Variants in CTIF observed in about 807,000 individuals in gnomAD.
CTIF encodes CBP80/20-dependent translation initiation factor.
A neutral mutation model predicts 66.0 loss-of-function variants in CTIF; 21 were observed. The observed-to-expected ratio is 0.32, with a 90% CI of 0.23 to 0.46. The LOEUF (loss-of-function observed/expected upper bound fraction) is 0.46, where lower values mean the gene tolerates loss of function less well. CTIF is among the 20% of genes least tolerant of loss of function. The pLI is 1.00. For synonymous variants in CTIF, 345 were observed against 326.4 expected, an observed-to-expected ratio of 1.06 and a Z score of -0.62; for missense variants, 739 against 812.7, an observed-to-expected ratio of 0.91 and a Z score of 1.10.
intron 5 of CTIF, among the ~76,000 whole-genome samples, chr18:48,667,668 G>A (rs2091459555): frequency 6.6e-6 from 1 of 152,226 alleles, no homozygotes; most frequent in African/African-American, 2.4e-5. Flanking sequence ...CCCTTCTGAA[G>A]CCAGAGTAAC....
chr18:48,595,486 G>A (rs1599209944), intron 1 of CTIF, among the ~76,000 whole-genome samples: 1 of 152,118 alleles, frequency 6.6e-6, no homozygotes, highest in African/African-American at 2.4e-5. Flanking sequence ...GAGTGCAGTG[G>A]TGTGATCACA....
At chr18:48,674,369 G>C (rs1474423962) in intron 6 of CTIF, among the ~76,000 whole-genome samples, 1 of 152,228 alleles carries the variant, frequency 6.6e-6, no homozygotes, top group Non-Finnish European at 1.5e-5. Context: ...GCAGTCTGGG[G>C]CGTGAATGTG....
chr18:48,851,102 G>A (rs1008374637), intron 10 of CTIF, among the ~76,000 whole-genome samples: 8 of 152,242 alleles, frequency 5.3e-5, no homozygotes, highest in African/African-American at 1.9e-4. Context: ...GGGCTCTAGG[G>A]TTGAGAACCC....
At chr18:48,779,593 G>T (rs1287091627) in intron 9 of CTIF, among the ~76,000 whole-genome samples, 1 of 152,228 alleles carries the variant, frequency 6.6e-6, no homozygotes. Context: ...GCCAGGCCTT[G>T]GGCTCTCCCC....
At chr18:48,687,404 G>A (rs139228869) in intron 6 of CTIF, among the ~76,000 whole-genome samples, 35 of 150,562 alleles carry the variant, frequency 2.3e-4, no homozygotes, top group African/African-American at 3.9e-4. Flanking sequence ...AGCCCCAGTC[G>A]TCTGAGGGGC....
chr18:48,789,049 C>G (rs8084719), intron 9 of CTIF, among the ~76,000 whole-genome samples: 59,569 of 151,962 alleles, frequency 0.39, 13,355 homozygotes, highest in African/African-American at 0.63. Context: ...GGTGTGTGCA[C>G]GTAGGTCCCT....
chr18:48,800,393 A>G (rs1292875522), intron 9 of CTIF, among the ~76,000 whole-genome samples: 2 of 152,218 alleles, frequency 1.3e-5, no homozygotes, highest in Admixed American at 6.5e-5. Flanking sequence ...CATGCAGGCA[A>G]AACTAGGGCC....
At chr18:48,633,646 G>C (rs1161122354) in intron 2 of CTIF, among the ~76,000 whole-genome samples, 2 of 151,860 alleles carry the variant, frequency 1.3e-5, no homozygotes, top group East Asian at 1.9e-4. Context: ...AGGTTGCAGG[G>C]AACCAAGATT....
At chr18:48,656,463 G>T (rs1015171313) in intron 3 of CTIF, among the ~76,000 whole-genome samples, 1 of 152,094 alleles carries the variant, frequency 6.6e-6, no homozygotes, top group Non-Finnish European at 1.5e-5. Context: ...CTGCATGCTG[G>T]GTCAATATCT....
chr18:48,551,986 T>C (rs1775477816), intron 1 of CTIF, among the ~76,000 whole-genome samples: 1 of 152,108 alleles, frequency 6.6e-6, no homozygotes, highest in South Asian at 2.1e-4. Flanking sequence ...GTATTTTTAG[T>C]AGAGACGGGG....
chr18:48,621,221 G>A (rs552058329), intron 2 of CTIF, among the ~76,000 whole-genome samples: 2 of 152,050 alleles, frequency 1.3e-5, no homozygotes, highest in Admixed American at 1.3e-4. Flanking sequence ...AATGGAACGG[G>A]GAGTGAGGAG....
chr18:48,632,884 C>G (rs115269026), intron 2 of CTIF, among the ~76,000 whole-genome samples: 340 of 152,252 alleles, frequency 2.2e-3, no homozygotes, highest in African/African-American at 7.8e-3. Context: ...AGAAGGCACT[C>G]AGGAAGTGAC....
At chr18:48,669,830 TATATATATATAA>T (rs2091498884) in intron 5 of CTIF, among the ~76,000 whole-genome samples, 1 of 122,948 alleles carries the variant, frequency 8.1e-6, no homozygotes, top group Non-Finnish European at 1.8e-5. Context: ...TATATATATA[TATATATATATAA>T]GCTAGACTAT....
intron 6 of CTIF, among the ~76,000 whole-genome samples, chr18:48,675,439 C>T (rs1270849893): frequency 6.6e-6 from 1 of 152,232 alleles, no homozygotes; most frequent in African/African-American, 2.4e-5. Context: ...GCGCACCACT[C>T]TGCAGGCTCC....
chr18:48,552,216 AG>A (rs2088901221), intron 1 of CTIF, among the ~76,000 whole-genome samples: 1 of 152,240 alleles, frequency 6.6e-6, no homozygotes, highest in Non-Finnish European at 1.5e-5. Context: ...TGAGAAAATG[AG>A]GGCACTTCTT....
At chr18:48,722,636 T>G (rs562883130) in intron 7 of CTIF, among the ~76,000 whole-genome samples, 30 of 151,966 alleles carry the variant, frequency 2.0e-4, no homozygotes, top group Non-Finnish European at 3.5e-4. Flanking sequence ...TCATCGGCAC[T>G]CACAGGTGTA....
chr18:48,704,274 C>A (rs960547143), intron 6 of CTIF, among the ~76,000 whole-genome samples: 2 of 152,140 alleles, frequency 1.3e-5, no homozygotes, highest in Non-Finnish European at 2.9e-5. Context: ...CTGTGGGCAA[C>A]TTCTTTGACC....
chr18:48,568,579 G>T (rs997956600), intron 1 of CTIF, among the ~76,000 whole-genome samples: 1 of 134,686 alleles, frequency 7.4e-6, no homozygotes, highest in Non-Finnish European at 1.6e-5. Flanking sequence ...CAGGGTTGGT[G>T]TAATAGTCCA....
intron 1 of CTIF, among the ~76,000 whole-genome samples, chr18:48,550,471 G>A (rs1030092927): frequency 6.6e-6 from 1 of 152,196 alleles, no homozygotes; most frequent in African/African-American, 2.4e-5. Context: ...GATGGTGGTG[G>A]ATGCCACCTT....
Sources: gnomAD v4.1 joint callset for allele counts (sites outside exome capture counted in the v4.1 genomes callset) on GRCh38, gnomAD v4.1.1 for gene constraint, MANE v1.5 for transcripts, NCBI Gene and HGNC (gene_info 2026-07-23, HGNC 2026-07-21) for gene names.